The following NR1D2 variants were observed in gnomAD, a reference collection of about 807,000 sequenced individuals.
NR1D2 encodes nuclear receptor subfamily 1 group D member 2.
Under a neutral mutation model 52.2 loss-of-function variants are expected in NR1D2, and 25 were observed. That is an observed-to-expected ratio of 0.48 (90% confidence interval 0.35 to 0.67). NR1D2 has a LOEUF of 0.67. Ranked by LOEUF, NR1D2 falls within the 30% of genes least tolerant of loss-of-function variation. The pLI is 0.01. For missense variants in NR1D2, 681 were observed against 707.2 expected (o/e 0.96, Z 0.42); for synonymous variants, 259 against 230.1 (o/e 1.13, Z -1.14).
chr3:23,958,024 T>C (rs924249207), intron 3 of NR1D2, among the ~76,000 whole-genome samples: 1 of 152,244 alleles, frequency 6.6e-6, no homozygotes, highest in Non-Finnish European at 1.5e-5. Context: ...TTCTTGAGTT[T>C]TCTGTCCTCC....
At chr3:23,975,008 G>A (rs1270695358) in intron 7 of NR1D2, among the ~76,000 whole-genome samples, 2 of 151,764 alleles carry the variant, frequency 1.3e-5, no homozygotes, top group Non-Finnish European at 2.9e-5. Flanking sequence ...TAGTAGAGAC[G>A]AGGTTTCACC....
intron 7 of NR1D2, among the ~76,000 whole-genome samples, chr3:23,975,850 C>G (rs769344041): frequency 1.3e-5 from 2 of 151,818 alleles, no homozygotes; most frequent in Non-Finnish European, 2.9e-5. Context: ...AATTTTAGTC[C>G]TTGTTTTAAG....
At chr3:23,963,377 C>T (rs1313911363) in intron 5 of NR1D2, 1 of 1,272,368 alleles carries the variant, frequency 7.9e-7, no homozygotes, top group Non-Finnish European at 1.0e-6. Context: ...GACTCTACCT[C>T]AATCTTCATT....
chr3:23,968,856 T>C (rs1248382066), intron 7 of NR1D2, among the ~76,000 whole-genome samples: 2 of 152,204 alleles, frequency 1.3e-5, no homozygotes, highest in Non-Finnish European at 2.9e-5. Context: ...TTGGGAATTT[T>C]TTAGTATTTG....
chr3:23,973,966 G>T (rs1259984240), intron 7 of NR1D2, among the ~76,000 whole-genome samples: 2 of 151,796 alleles, frequency 1.3e-5, no homozygotes, highest in African/African-American at 2.4e-5. Flanking sequence ...CTACTGGAAG[G>T]TCTTCAGGAG....
chr3:23,958,590 T>A (rs902981374), intron 3 of NR1D2, among the ~76,000 whole-genome samples: 2 of 148,306 alleles, frequency 1.3e-5, no homozygotes, highest in African/African-American at 5.0e-5. Context: ...CGGTGAGCTA[T>A]TATTACGTCA....
At position 23,980,432 on chromosome 3, in the gene NR1D2, T is replaced by C. The variant is rs1193758917; in HGVS notation, c.*3013T>C. 2 of 152,066 alleles carry C rather than the reference T, an allele frequency of 1.3e-5. No individual in the cohort carries two copies. The highest frequency in any genetic ancestry group is 2.9e-5 in the Non-Finnish European group (2 of 68,000). The allele number at this position is 152,066 out of a possible 1,614,324, so 9.4% of individuals were successfully genotyped here. ...TCCAAAAGATAAAACTTGAAGCTAT[T>C]CTGGAACTAACATGGAAAAATGAAA... is the stretch of plus-strand genomic sequence containing the variant. On this transcript the variant is annotated 3_prime_UTR_variant, in exon 8 of 8. Coordinates refer to ENST00000312521, the MANE Select transcript of NR1D2 (RefSeq NM_005126.5).
In NR1D2 at chr3:23,979,931, A is replaced by G. The variant is rs1332262586; in HGVS notation, c.*2512A>G. The G allele has an allele frequency of 6.6e-6, 1 of 152,170 alleles. No homozygotes were observed. Among genetic ancestry groups the G allele is most frequent in the Non-Finnish European group, 1.5e-5 (1 of 67,980 alleles). The allele number at this position is 152,170 out of a possible 1,614,324, so 9.4% of individuals were successfully genotyped here. A position where few individuals can be genotyped will look rare whatever the true frequency, so the allele number is the denominator to read the frequency against. On this transcript the variant is annotated 3_prime_UTR_variant, in exon 8 of 8. Coordinates refer to ENST00000312521, the MANE Select transcript of NR1D2 (RefSeq NM_005126.5). The stretch of plus-strand genomic sequence containing the variant: ...GCATTATGTCAGCAAACTTAAGGGC[A>G]TTATGTCAGCAAGCTAAAACATTTT...
At chr3:23,963,289 C>A (rs1303867559) in intron 5 of NR1D2, 3 of 1,351,480 alleles carry the variant, frequency 2.2e-6, no homozygotes, top group Non-Finnish European at 2.9e-6. Context: ...CCAGTTTAAA[C>A]CATGAAGTCC....
intron 7 of NR1D2, among the ~76,000 whole-genome samples, chr3:23,970,059 T>A (rs527836148): frequency 6.6e-6 from 1 of 152,288 alleles, no homozygotes; most frequent in East Asian, 1.9e-4. Context: ...AACCAAAATA[T>A]GGGGCAGAAG....
rs1409146855 is a variant in NR1D2 at position 23,964,959 on chromosome 3, C to A, written c.1147-18C>A. On this transcript the variant is annotated intron_variant, in intron 5 of 7. Transcript: ENST00000312521. ...CACCTCTTAGTATTTAAGAGTTTTT[C>A]CGTTTTATGTATACTAGGTTTGTCC... 6.5e-7 allele frequency: 1 copy of A among 1,537,582 alleles called. No homozygotes were observed. The highest frequency in any genetic ancestry group is 8.8e-7 in the Non-Finnish European group (1 of 1,133,516).
rs1409146855 is a variant in NR1D2, at chr3:23,964,959, C to T, written c.1147-18C>T. 6.5e-7 allele frequency: 1 copy of T among 1,537,582 alleles called. No individual in the cohort carries two copies. Among genetic ancestry groups the T allele is most frequent in the East Asian group, 2.3e-5 (1 of 43,392 alleles). On this transcript the variant is annotated intron_variant, in intron 5 of 7. Coordinates refer to ENST00000312521, the MANE Select transcript of NR1D2 (RefSeq NM_005126.5). ...CACCTCTTAGTATTTAAGAGTTTTT[C>T]CGTTTTATGTATACTAGGTTTGTCC...
At position 23,980,598 on chromosome 3, in the gene NR1D2, TAATA is replaced by T. The variant is rs772626278; in HGVS notation, c.*3184_*3187del. On this transcript the variant is annotated 3_prime_UTR_variant, in exon 8 of 8. Transcript: ENST00000312521. ...GTAATCTGTATGTGGGGGGAGGGGA[TAATA>T]AATATTTCTAACCAACTGTGGTGTT... 6.6e-6 allele frequency: 1 copy of T among 152,108 alleles called. No homozygotes were observed. The highest frequency in any genetic ancestry group is 1.9e-4 in the East Asian group (1 of 5,194). 9.4% of individuals were successfully genotyped at this position (152,108 alleles called of 1,614,324 possible).
chr3:23,963,469 TGAGAC>T, intron 5 of NR1D2: 2 of 1,089,254 alleles, frequency 1.8e-6, no homozygotes, highest in Non-Finnish European at 2.3e-6. Context: ...TTTTTTTTTT[TGAGAC>T]ATTCTTGCTC....
rs1705626978 is a variant in NR1D2 at position 23,945,450 on chromosome 3, C to T, written c.-129C>T. Reference sequence around the variant, plus strand: ...GCCTGGGGCCCGGGAGCCCCGCCCGCTCTGCCCATGAGGGGGCCCCGCGAC... The same window carrying T: ...GCCTGGGGCCCGGGAGCCCCGCCCGTTCTGCCCATGAGGGGGCCCCGCGAC... On this transcript the variant is annotated 5_prime_UTR_variant, in exon 1 of 8. Coordinates refer to ENST00000312521, the MANE Select transcript of NR1D2 (RefSeq NM_005126.5). The T allele has an allele frequency of 2.7e-6, 1 of 374,258 alleles. No homozygotes were observed. Among genetic ancestry groups the T allele is most frequent in the Non-Finnish European group, 3.9e-6 (1 of 259,696 alleles). The allele number at this position is 374,258 out of a possible 1,614,324, so 23.2% of individuals were successfully genotyped here.
At position 23,978,696 on chromosome 3, in the gene NR1D2, A is replaced by G. The variant is rs944354138; in HGVS notation, c.*1277A>G. 2.0e-5 allele frequency: 3 copies of G among 151,860 alleles called. No homozygotes were observed. The highest frequency in any genetic ancestry group is 2.9e-5 in the Non-Finnish European group (2 of 67,918). The allele number at this position is 151,860 out of a possible 1,614,324, so 9.4% of individuals were successfully genotyped here. On this transcript the variant is annotated 3_prime_UTR_variant, in exon 8 of 8. Coordinates refer to ENST00000312521, the MANE Select transcript of NR1D2 (RefSeq NM_005126.5). ...TAAAGCAACTGTTTAATATGATGGC[A>G]TGTGTGTGTGTGCGTGCGTGTGTAT...
At chr3:23,976,483 T>C (rs1706726787) in intron 7 of NR1D2, among the ~76,000 whole-genome samples, 1 of 152,206 alleles carries the variant, frequency 6.6e-6, no homozygotes, top group Non-Finnish European at 1.5e-5. Flanking sequence ...TGTATGTAGT[T>C]ATCGGCAAGA....
intron 1 of NR1D2, chr3:23,946,347 C>G: frequency 1.0e-6 from 1 of 963,096 alleles, no homozygotes; most frequent in Non-Finnish European, 1.2e-6. Context: ...GGAGGAAGTG[C>G]AGGACGAGGG....
rs1044710384 is a variant in NR1D2 at position 23,946,147 on chromosome 3, T to A, written c.16+553T>A. 4 of 984,688 alleles carry A rather than the reference T, an allele frequency of 4.1e-6. No individual in the cohort carries two copies. The East Asian group carries it at 3.5e-4, about 85-fold the overall frequency. The allele number at this position is 984,688 out of a possible 1,614,324, so 61.0% of individuals were successfully genotyped here. ...CCTCCTCCCCCGCGGGGTTGCACACTGCGGAGGAGGCCGCGCGTGCGCGCC... is the reference window on the plus strand; with the variant it reads ...CCTCCTCCCCCGCGGGGTTGCACACAGCGGAGGAGGCCGCGCGTGCGCGCC... On this transcript the variant is annotated intron_variant, in intron 1 of 7. Transcript: ENST00000312521.
Sources: allele counts gnomAD v4.1 joint callset (sites outside exome capture counted in the v4.1 genomes callset), GRCh38; gene constraint gnomAD v4.1.1; transcripts MANE v1.5; gene names NCBI Gene and HGNC (gene_info 2026-07-23, HGNC 2026-07-21).